The following BRI3 variants were observed in gnomAD, a reference collection of about 807,000 sequenced individuals.
The protein encoded by BRI3 is brain protein I3.
A neutral mutation model predicts 12.8 loss-of-function variants in BRI3; 6 were observed. The observed-to-expected ratio is 0.47, with a 90% CI of 0.26 to 0.93. The LOEUF is 0.93. Ranked by LOEUF, BRI3 falls within the 40% of genes least tolerant of loss-of-function variation. The pLI, the probability that BRI3 is intolerant of heterozygous loss-of-function variation, is 0.15. For synonymous variants in BRI3, 91 were observed against 76.1 expected (o/e 1.20, Z -1.02); for missense variants, 134 against 171.1 (o/e 0.78, Z 1.21).
rs754560740 is a variant in BRI3 at position 98,307,961 on chromosome 7, G to A, written n.591G>A. 4.1e-6 allele frequency: 6 copies of A among 1,466,872 alleles called. No homozygotes were observed. In the East Asian group the frequency reaches 9.1e-5, roughly 22 times the overall value. 90.9% of individuals were successfully genotyped at this position (1,466,872 alleles called of 1,614,324 possible). ...TGAGAATCAATAGGCACATTCCAAT[G>A]AGCAAACCCCAGGAATCCACCTGTT... On this transcript the variant is annotated non_coding_transcript_exon_variant, in exon 2 of 2. Coordinates refer to the BRI3 transcript ENST00000485422.
At chr7:98,308,227 A>C (rs1445422612) in exon 2 of BRI3, 2 of 509,034 alleles carry the variant, frequency 3.9e-6, no homozygotes, top group African/African-American at 3.8e-5. Context: ...TAGAGAGACA[A>C]ACCGCTCCAA....
At chr7:98,320,639 GCA>G in the BRI3 span, among the ~76,000 whole-genome samples, 18 of 151,966 alleles carry the variant, frequency 1.2e-4, no homozygotes, top group Middle Eastern at 3.4e-3. Flanking sequence ...CAGGCCCATT[GCA>G]CAGTTTTGTA....
chr7:98,321,556 C>A, the BRI3 span, among the ~76,000 whole-genome samples: 1 of 152,182 alleles, frequency 6.6e-6, no homozygotes, highest in African/African-American at 2.4e-5. Flanking sequence ...GCAATCATAT[C>A]TCTGCAGTGA....
At chr7:98,291,644 A>C, downstream of BRI3, 2 of 448,936 alleles carry the variant, frequency 4.5e-6, no homozygotes, top group Non-Finnish European at 6.0e-6. Context: ...TTACAGCTCA[A>C]GAAAATGTTT....
the BRI3 span, among the ~76,000 whole-genome samples, chr7:98,315,875 C>T: frequency 6.6e-6 from 1 of 152,142 alleles, no homozygotes; most frequent in Non-Finnish European, 1.5e-5. Flanking sequence ...TTACTTTGTA[C>T]TTCAGAGATA....
intron 1 of BRI3, among the ~76,000 whole-genome samples, chr7:98,301,330 A>G (rs962448234): frequency 1.3e-5 from 2 of 152,206 alleles, no homozygotes. Flanking sequence ...ACACGTGCAG[A>G]ATCAATGACA....
rs1293309730 is a variant in BRI3 at position 98,282,298 on chromosome 7, G to A, written c.143-53G>A. On this transcript the variant is annotated intron_variant, in intron 1 of 2. Coordinates refer to ENST00000297290, the MANE Select transcript of BRI3 (RefSeq NM_015379.5). ...AGGGGACAGGATGAGTAGTCCCCGT[G>A]GCGGTCCGATTTCTCCTCCCTGCAC... 4.9e-6 allele frequency: 7 copies of A among 1,442,218 alleles called. No individual in the cohort carries two copies. In the African/African-American group the frequency reaches 7.0e-5, roughly 14 times the overall value. 89.3% of individuals were successfully genotyped at this position (1,442,218 alleles called of 1,614,324 possible).
upstream of BRI3, among the ~76,000 whole-genome samples, chr7:98,304,972 T>A (rs1180520111): frequency 6.6e-6 from 1 of 151,090 alleles, no homozygotes; most frequent in African/African-American, 2.4e-5. Context: ...TTCAAGTGAT[T>A]CTCCTGCCTC....
chr7:98,285,625 C>A (rs934695408), intron 2 of BRI3, among the ~76,000 whole-genome samples: 2 of 152,152 alleles, frequency 1.3e-5, no homozygotes, highest in Admixed American at 6.5e-5. Flanking sequence ...TGGGCTCAGC[C>A]CCCAGCTGTG....
chr7:98,320,305 AC>A, the BRI3 span: 80 of 1,583,450 alleles, frequency 5.1e-5, no homozygotes, highest in East Asian at 1.7e-3. Flanking sequence ...TGTCCTGGGA[AC>A]AAAACCAGAT....
At chr7:98,284,808 G>A (rs1318917314) in intron 2 of BRI3, among the ~76,000 whole-genome samples, 5 of 152,168 alleles carry the variant, frequency 3.3e-5, no homozygotes, top group Non-Finnish European at 7.3e-5. Context: ...GCAGCCTGGC[G>A]GCGGATATGT....
At chr7:98,282,501 C>A (rs776385518) in intron 2 of BRI3, 48 bp downstream of exon 2, 6 of 1,508,298 alleles carry the variant, frequency 4.0e-6, no homozygotes, top group Non-Finnish European at 5.5e-6. Context: ...CTCTGAGGAC[C>A]CCCGCCCTAA....
At chr7:98,290,257 A>G (rs35944487) in intron 2 of BRI3, among the ~76,000 whole-genome samples, 59,283 of 142,822 alleles carry the variant, frequency 0.42, 12,986 homozygotes, top group Middle Eastern at 0.6. Context: ...CTGCAGTGGC[A>G]CAATCTCGGC....
chr7:98,294,297 T>C (rs544614541), downstream of BRI3, among the ~76,000 whole-genome samples: 1 of 152,302 alleles, frequency 6.6e-6, no homozygotes, highest in South Asian at 2.1e-4. Flanking sequence ...CTGGCCTGTA[T>C]TGGAGATTTT....
downstream of BRI3, among the ~76,000 whole-genome samples, chr7:98,296,623 GTAAAAAAC>G (rs1562962519): frequency 6.6e-6 from 1 of 152,060 alleles, no homozygotes; most frequent in East Asian, 1.9e-4. Flanking sequence ...GACTCCATCT[GTAAAAAAC>G]AAAAAAACAA....
chr7:98,317,073 G>C, the BRI3 span: 5,865 of 999,912 alleles, frequency 5.9e-3, 230 homozygotes, highest in African/African-American at 0.085. Context: ...GGCTGGTCTC[G>C]AACTCCTGAC....
chr7:98,303,435 G>A (rs1387004296), upstream of BRI3, among the ~76,000 whole-genome samples: 3 of 152,168 alleles, frequency 2.0e-5, no homozygotes, highest in Admixed American at 6.5e-5. Flanking sequence ...AACCCAGCCC[G>A]GGAGTGATGT....
chr7:98,301,477 A>G (rs1294432259), intron 1 of BRI3, among the ~76,000 whole-genome samples: 1 of 146,840 alleles, frequency 6.8e-6, no homozygotes, highest in East Asian at 2.0e-4. Flanking sequence ...TTTTTTTGGT[A>G]TATATATATA....
chr7:98,297,952 C>A (rs1375436010), downstream of BRI3, among the ~76,000 whole-genome samples: 2 of 152,226 alleles, frequency 1.3e-5, no homozygotes, highest in Non-Finnish European at 2.9e-5. Flanking sequence ...AAATTCAGGC[C>A]GGGCACAGTG....
Sources: gnomAD v4.1 joint callset for allele counts (sites outside exome capture counted in the v4.1 genomes callset) on GRCh38, gnomAD v4.1.1 for gene constraint, MANE v1.5 for transcripts, NCBI Gene and HGNC (gene_info 2026-07-23, HGNC 2026-07-21) for gene names.